The following ZNF778 variants were observed in gnomAD, a reference collection of about 807,000 sequenced individuals.
The protein encoded by ZNF778 is zinc finger protein 778.
Under a neutral mutation model 23.9 loss-of-function variants are expected in ZNF778, and 37 were observed. The ratio of observed to expected loss-of-function variants is 1.54; its 90% CI spans 1.19 to 2.03. ZNF778 has a LOEUF of 2.03. Among genes scored for constraint, ZNF778 ranks in the 30% most tolerant of loss-of-function variants. The probability of loss-of-function intolerance (pLI) is 0.00; values close to 1 mark genes in which losing one functional copy is unlikely to be tolerated. For synonymous variants in ZNF778, 483 were observed against 343.9 expected, an observed-to-expected ratio of 1.40 and a Z score of -4.48; for missense variants, 1,297 against 934.4, an observed-to-expected ratio of 1.39 and a Z score of -5.06.
chr16:89,228,241 GA>G lies in ZNF778; in HGVS notation c.1956del (p.Ala653ProfsTer64). On this transcript the variant is annotated frameshift_variant, in exon 7 of 7. Transcript: ENST00000433976. LOFTEE classifies it low-confidence loss of function (END_TRUNC). ...EKPYICKECG[K>X]AFASSSHLIE... ...AACCCTACATATGTAAGGAGTGTGG[GA>G]AAGCCTTTGCTTCCTCCTCACACCT... The G allele has an allele frequency of 6.2e-7, 1 of 1,614,002 alleles. No individual in the cohort carries two copies. Among genetic ancestry groups the G allele is most frequent in the South Asian group, 1.1e-5 (1 of 91,074 alleles).
chr16:89,225,504 A>G (rs1567502341), intron 5 of ZNF778, 51 bp from the exon 6 acceptor site: 2 of 1,450,390 alleles, frequency 1.4e-6, no homozygotes, highest in African/African-American at 1.4e-5. Flanking sequence ...TTATATGAAA[A>G]CAAATACCAA....
rs1225658451 is a variant in ZNF778 at position 89,227,906 on chromosome 16, A to G, written c.1618A>G (p.Lys540Glu). The G allele has an allele frequency of 6.2e-7, 1 of 1,614,214 alleles. No individual in the cohort carries two copies. Among genetic ancestry groups the G allele is most frequent in the South Asian group, 1.1e-5 (1 of 91,078 alleles). ...GCCCTATGAATGTAAGGACTGTGGG[A>G]AAGCCTACAATAGGGTTTATCTACT... ...EKPYECKDCGKAYNRVYLLNE... is the reference protein window; with the variant it reads ...EKPYECKDCGEAYNRVYLLNE... Residue 540 changes from lysine (K) to glutamate (E), a missense_variant, in exon 7 of 7, where the codon AAA (lysine) becomes GAA (glutamate). Lys to Glu is a moderately conservative substitution (Grantham distance 56). Transcript: ENST00000433976.
In ZNF778 at chr16:89,226,825, A is replaced by G. The variant is rs752674244; in HGVS notation, c.537A>G (p.Glu179=). 6 of 1,613,900 alleles carry G rather than the reference A, an allele frequency of 3.7e-6. No homozygotes were observed. The highest frequency in any genetic ancestry group is 5.1e-6 in the Non-Finnish European group (6 of 1,179,890). The change falls in exon 7 of 7, where the codon GAA becomes GAG. Residue 179 remains glutamate, a synonymous_variant. Coordinates refer to ENST00000433976, the MANE Select transcript of ZNF778 (RefSeq NM_001201407.2). Reference sequence around the variant, plus strand: ...ACAGTTGTGTGTCTAATCATTATGAAAGGGACTTTTTTATTCCATGCCAGA... The same window carrying G: ...ACAGTTGTGTGTCTAATCATTATGAGAGGGACTTTTTTATTCCATGCCAGA... The part of the protein sequence containing the change: ...TGDSCVSNHY[E]RDFFIPCQKT...
Position 89,225,588 on chromosome 16 carries a change from G to A in ZNF778, c.362G>A (p.Arg121Gln), listed in dbSNP as rs757188170. 9.9e-6 allele frequency: 16 copies of A among 1,611,952 alleles called. No individual in the cohort carries two copies. The Admixed American group carries it at 1.0e-4, about 10-fold the overall frequency. The change falls in exon 6 of 7, where the codon CGG becomes CAG. Residue 121 changes from arginine (R) to glutamine (Q), a missense_variant. By Grantham distance (43) the Arg-to-Gln change is conservative (BLOSUM62 1). Transcript: ENST00000433976. ...CTTAAAACCAAAGGGCCAGCACTTCGGCAGGATAGATCTTGGTTCAGAGCA... is the reference window on the plus strand; with the variant it reads ...CTTAAAACCAAAGGGCCAGCACTTCAGCAGGATAGATCTTGGTTCAGAGCA... The part of the protein sequence containing the change: ...WRLKTKGPAL[R>Q]QDRSWFRASN...
Position 89,222,193 on chromosome 16 carries a change from AAC to A in ZNF778, c.117+11_117+12del. 9.4e-6 allele frequency: 15 copies of A among 1,589,696 alleles called. No individual in the cohort carries two copies. Among genetic ancestry groups the A allele is most frequent in the Non-Finnish European group, 1.3e-5 (15 of 1,165,342 alleles). On this transcript the variant is annotated intron_variant, in intron 3 of 6. Transcript: ENST00000433976. ...GATAAATTGTTACCAGGTATGCCAA[AAC>A]TGTATTTTTTCTTAAAATAACATAC...
At chr16:89,222,312 G>A in intron 3 of ZNF778, 129 bp downstream of exon 3, 1 of 534,150 alleles carries the variant, frequency 1.9e-6, no homozygotes, top group South Asian at 3.7e-5. Context: ...CGCCTCCAGG[G>A]AGAAGAGCCT....
rs957703982 is a variant in ZNF778, at chr16:89,228,742, G to A, written c.*180G>A. 1.4e-6 allele frequency: 2 copies of A among 1,413,620 alleles called. No individual in the cohort carries two copies. The highest frequency in any genetic ancestry group is 2.6e-5 in the East Asian group (1 of 38,458). The allele number at this position is 1,413,620 out of a possible 1,614,324, so 87.6% of individuals were successfully genotyped here. ...GCAGCAGACACAGAGAAAGCCCTCA[G>A]TGTTCTCTAAGGTCTTGCTGAATAT... On this transcript the variant is annotated 3_prime_UTR_variant, in exon 7 of 7. Transcript: ENST00000433976.
At position 89,233,604 on chromosome 16, in the gene ZNF778, T is replaced by C. The variant is rs1327382622; in HGVS notation, c.*5042T>C. Reference sequence around the variant, plus strand: ...ATATGCAACGCAACTCAACTCATACTGCATATGCAACTCAACTCACACTGT... The same window carrying C: ...ATATGCAACGCAACTCAACTCATACCGCATATGCAACTCAACTCACACTGT... On this transcript the variant is annotated 3_prime_UTR_variant, in exon 7 of 7. Coordinates refer to ENST00000433976, the MANE Select transcript of ZNF778 (RefSeq NM_001201407.2). The C allele has an allele frequency of 8.8e-7, 1 of 1,131,186 alleles. No homozygotes were observed. The highest frequency in any genetic ancestry group is 1.2e-6 in the Non-Finnish European group (1 of 864,372). The allele number at this position is 1,131,186 out of a possible 1,614,324, so 70.1% of individuals were successfully genotyped here.
At position 89,222,031 on chromosome 16, in the gene ZNF778, T is replaced by C. The variant is rs540929348; in HGVS notation, c.26-61T>C. The C allele has an allele frequency of 4.8e-5, 60 of 1,242,036 alleles. No individual in the cohort carries two copies. In the Admixed American group the frequency reaches 1.3e-3, roughly 26 times the overall value. 76.9% of individuals were successfully genotyped at this position (1,242,036 alleles called of 1,614,324 possible). A position where few individuals can be genotyped will look rare whatever the true frequency, so the allele number is the denominator to read the frequency against. On this transcript the variant is annotated intron_variant, in intron 2 of 6. Transcript: ENST00000433976. Reference sequence around the variant, plus strand: ...TAGGATGGAATGACTTCCGGGTCCATGAGTGTGGAATTAGGGTCAGCTCTG... The same window carrying C: ...TAGGATGGAATGACTTCCGGGTCCACGAGTGTGGAATTAGGGTCAGCTCTG...
rs774926711 is a variant in ZNF778, at chr16:89,228,920, A to G, written c.*358A>G. ...GTTGGGAAGTCATTTTTTACATTACATCTTTCCTCACCCTTTAGTAAACGT... is the reference window on the plus strand; with the variant it reads ...GTTGGGAAGTCATTTTTTACATTACGTCTTTCCTCACCCTTTAGTAAACGT... On this transcript the variant is annotated 3_prime_UTR_variant, in exon 7 of 7. Coordinates refer to ENST00000433976, the MANE Select transcript of ZNF778 (RefSeq NM_001201407.2). The G allele has an allele frequency of 1.3e-5, 13 of 1,011,154 alleles. No homozygotes were observed. In the Admixed American group the frequency reaches 2.2e-4, roughly 17 times the overall value. The allele number at this position is 1,011,154 out of a possible 1,614,324, so 62.6% of individuals were successfully genotyped here.
At position 89,234,697 on chromosome 16, in the gene ZNF778, C is replaced by T. The variant is rs1030685457; in HGVS notation, c.*6135C>T. ...CTTTGGGAGGCCGAGGTGGGTGGAT[C>T]ACAAGGTCAGGAGATCAAGACCATC... On this transcript the variant is annotated 3_prime_UTR_variant, in exon 7 of 7. Transcript: ENST00000433976. 11 of 154,040 alleles carry T rather than the reference C, an allele frequency of 7.1e-5. No homozygotes were observed. Among genetic ancestry groups the T allele is most frequent in the Non-Finnish European group, 1.2e-4 (8 of 69,320 alleles). 9.5% of individuals were successfully genotyped at this position (154,040 alleles called of 1,614,324 possible).
At chr16:89,224,604 G>A (rs558290064) in intron 4 of ZNF778, 115 bp from the exon 5 acceptor site, 31 of 738,008 alleles carry the variant, frequency 4.2e-5, no homozygotes, top group Middle Eastern at 2.6e-4. Flanking sequence ...GGGCAACAGC[G>A]CGAGACGCTG....
At chr16:89,222,432 C>T (rs1430279360) in intron 3 of ZNF778, among the ~76,000 whole-genome samples, 6 of 152,156 alleles carry the variant, frequency 3.9e-5, no homozygotes, top group Non-Finnish European at 5.9e-5. Context: ...GGCCCAATCT[C>T]GGCTCACTGC....
chr16:89,219,047 C>T (rs1276824946), intron 1 of ZNF778, among the ~76,000 whole-genome samples: 6 of 151,850 alleles, frequency 4.0e-5, no homozygotes, highest in African/African-American at 7.3e-5. Flanking sequence ...GCACAGGTTG[C>T]GGTGAGCCAA....
rs376986456 is a variant in ZNF778, at chr16:89,227,104, T to G, written c.816T>G (p.Val272=). The change falls in exon 7 of 7, where the codon GTT becomes GTG. Residue 272 remains valine (V), a synonymous_variant. Transcript: ENST00000433976. ...LTHSMGCATP[V]EMHAVRNPHV... is the part of the protein sequence containing the mutation. Reference sequence around the variant, plus strand: ...ACTCCATGGGCTGCGCCACACCTGTTGAAATGCATGCCGTCAGGAATCCCC... The same window carrying G: ...ACTCCATGGGCTGCGCCACACCTGTGGAAATGCATGCCGTCAGGAATCCCC... 1 of 1,614,010 alleles carries G rather than the reference T, an allele frequency of 6.2e-7. No individual in the cohort carries two copies. The highest frequency in any genetic ancestry group is 1.3e-5 in the African/African-American group (1 of 75,056).
chr16:89,229,455 G>A lies in ZNF778; in HGVS notation c.*893G>A. The A allele has an allele frequency of 2.0e-6, 2 of 977,592 alleles. No homozygotes were observed. The highest frequency in any genetic ancestry group is 2.4e-6 in the Non-Finnish European group (2 of 826,904). The allele number at this position is 977,592 out of a possible 1,614,324, so 60.6% of individuals were successfully genotyped here. On this transcript the variant is annotated 3_prime_UTR_variant, in exon 7 of 7. Transcript: ENST00000433976. ...GTTGGTTAGTCTTGAGGATGCAGATGTGATTCTGTGTGAGCAGCGTAGGCT... is the reference window on the plus strand; with the variant it reads ...GTTGGTTAGTCTTGAGGATGCAGATATGATTCTGTGTGAGCAGCGTAGGCT...
At chr16:89,223,375 AC>A in intron 4 of ZNF778, 92 bp downstream of exon 4, 1 of 1,553,622 alleles carries the variant, frequency 6.4e-7, no homozygotes, top group East Asian at 2.3e-5. Flanking sequence ...AAAGCCGAGT[AC>A]CACGGGAAGT....
Position 89,222,154 on chromosome 16 carries a change from GTGGC to G in ZNF778, c.99_102del (p.Trp33Ter). 1.2e-6 allele frequency: 2 copies of G among 1,605,712 alleles called. No individual in the cohort carries two copies. The highest frequency in any genetic ancestry group is 2.2e-5 in the East Asian group (1 of 44,450). On this transcript the variant is annotated frameshift_variant, in exon 3 of 7. Coordinates refer to ENST00000433976, the MANE Select transcript of ZNF778 (RefSeq NM_001201407.2). LOFTEE classifies it high-confidence loss of function. ...AGAACAGACACAGGCAGCAGGGATG[GTGGC>G]TGGCTGGCTGATAAATTGTTACCAG...
At chr16:89,219,164 A>G (rs1006480148) in intron 1 of ZNF778, among the ~76,000 whole-genome samples, 5 of 151,192 alleles carry the variant, frequency 3.3e-5, no homozygotes, top group East Asian at 3.9e-4. Context: ...ACTTTGTGTA[A>G]TATCTAGGAT....
Sources: allele counts gnomAD v4.1 joint callset (sites outside exome capture counted in the v4.1 genomes callset), GRCh38; gene constraint gnomAD v4.1.1; transcripts MANE v1.5; gene names NCBI Gene and HGNC (gene_info 2026-07-23, HGNC 2026-07-21).